Variants in CDH13 observed in about 807,000 individuals in gnomAD.
CDH13 encodes the protein cadherin 13.
In CDH13, 24 loss-of-function variants were observed where a neutral mutation model predicts 63.8. The ratio of observed to expected loss-of-function variants is 0.38; its 90% CI spans 0.27 to 0.53. CDH13 has a LOEUF of 0.53. Ranked by LOEUF, CDH13 falls within the 20% of genes least tolerant of loss-of-function variation. CDH13 has a pLI of 0.85. For missense variants in CDH13, 1,049 were observed against 903.1 expected, an observed-to-expected ratio of 1.16 and a Z score of -2.07; for synonymous variants, 503 against 355.3, an observed-to-expected ratio of 1.42 and a Z score of -4.67.
intron 6 of CDH13, among the ~76,000 whole-genome samples, chr16:83,410,709 A>C (rs938510727): frequency 1.3e-5 from 2 of 152,230 alleles, no homozygotes; most frequent in East Asian, 3.9e-4. Context: ...TCTCCATTGA[A>C]CTTTTCTGAA....
chr16:82,654,889 C>T (rs1302893626), intron 1 of CDH13, among the ~76,000 whole-genome samples: 1 of 152,172 alleles, frequency 6.6e-6, no homozygotes, highest in Non-Finnish European at 1.5e-5. Flanking sequence ...TCCCTCCCAA[C>T]ACTACTGAGG....
At chr16:82,961,977 G>A (rs752332988) in intron 2 of CDH13, among the ~76,000 whole-genome samples, 19 of 152,176 alleles carry the variant, frequency 1.2e-4, no homozygotes, top group Admixed American at 5.2e-4. Context: ...GCTTATGGAT[G>A]CCATGGGAAA....
intron 6 of CDH13, among the ~76,000 whole-genome samples, chr16:83,412,238 G>T (rs2092139045): frequency 6.6e-6 from 1 of 152,192 alleles, no homozygotes; most frequent in African/African-American, 2.4e-5. Context: ...AAGGCTGATG[G>T]ATCACTTGAG....
chr16:83,101,227 A>G (rs1018244418), intron 3 of CDH13, among the ~76,000 whole-genome samples: 5 of 150,732 alleles, frequency 3.3e-5, no homozygotes, highest in Admixed American at 6.6e-5. Flanking sequence ...ACATACATGC[A>G]CATATACTAT....
intron 6 of CDH13, among the ~76,000 whole-genome samples, chr16:83,399,741 C>G (rs28537221): frequency 3.9e-5 from 6 of 152,130 alleles, no homozygotes; most frequent in African/African-American, 1.2e-4. Flanking sequence ...CCAAACTAAA[C>G]CACGCTAGAC....
chr16:83,609,171 C>T (rs949113863), intron 8 of CDH13, among the ~76,000 whole-genome samples: 2 of 152,184 alleles, frequency 1.3e-5, no homozygotes, highest in African/African-American at 2.4e-5. Flanking sequence ...GAGCTGGCAG[C>T]ATGCAGCTGA....
intron 11 of CDH13, among the ~76,000 whole-genome samples, chr16:83,757,920 G>A (rs1341871972): frequency 6.6e-6 from 1 of 151,946 alleles, no homozygotes; most frequent in African/African-American, 2.4e-5. Context: ...TTGAGGCCAG[G>A]AATTTGAGAC....
Position 83,344,892 on chromosome 16 carries a change from A to G in CDH13, c.667A>G (p.Lys223Glu). ...TGTGGAGACCACTGATGTCAATGGC[A>G]AAACTCTCGAGGGGCCGGTGCCTCT... ...LFVETTDVNG[K>E]TLEGPVPLEV... Residue 223 changes from lysine to glutamate, a missense_variant, in exon 6 of 14, where the codon AAA (lysine) becomes GAA (glutamate). Lys to Glu is a moderately conservative substitution (Grantham distance 56). Transcript: ENST00000567109. 4 of 1,613,990 alleles carry G rather than the reference A, an allele frequency of 2.5e-6. No homozygotes were observed. The highest frequency in any genetic ancestry group is 2.5e-6 in the Non-Finnish European group (3 of 1,179,836).
chr16:83,441,161 G>C (rs746855910), intron 6 of CDH13, among the ~76,000 whole-genome samples: 7 of 152,208 alleles, frequency 4.6e-5, no homozygotes, highest in Non-Finnish European at 1.0e-4. Flanking sequence ...AGGGTCAGTA[G>C]TCATCTGGTC....
At position 83,584,522 on chromosome 16, in the gene CDH13, G is replaced by A. The variant is rs1033596041; in HGVS notation, c.961-17932G>A. On this transcript the variant is annotated intron_variant, in intron 7 of 13. Coordinates refer to ENST00000567109, the MANE Select transcript of CDH13 (RefSeq NM_001257.5). The stretch of plus-strand genomic sequence containing the variant: ...CAAAGAGAAAGTGACCCCTGAGGCG[G>A]TCATTTGGGAACAGCAGGACTTGGC... Among the ~76,000 whole-genome samples, 5 of 152,274 alleles carry A rather than the reference G, an allele frequency of 3.3e-5. No homozygotes were observed. The Middle Eastern group carries it at 0.01, about 311-fold the overall frequency.
At chr16:83,408,787 C>T (rs184694257) in intron 6 of CDH13, among the ~76,000 whole-genome samples, 2 of 152,240 alleles carry the variant, frequency 1.3e-5, no homozygotes, top group Admixed American at 6.5e-5. Flanking sequence ...GGTGGCTGCT[C>T]ATGTTGTCTT....
intron 6 of CDH13, among the ~76,000 whole-genome samples, chr16:83,484,040 C>G (rs184865766): frequency 3.9e-5 from 6 of 152,280 alleles, no homozygotes; most frequent in Admixed American, 3.3e-4. Context: ...AGGAAGTGCA[C>G]CTTGAAGCAT....
chr16:82,848,142 A>G (rs376403860), intron 1 of CDH13, among the ~76,000 whole-genome samples: 3 of 152,190 alleles, frequency 2.0e-5, no homozygotes, highest in Admixed American at 2.0e-4. Flanking sequence ...AAGTTCATTG[A>G]CACTAGTAAG....
chr16:83,212,010 C>T (rs1037773307), intron 4 of CDH13, among the ~76,000 whole-genome samples: 8 of 152,140 alleles, frequency 5.3e-5, no homozygotes, highest in Non-Finnish European at 1.0e-4. Flanking sequence ...ATATAATGGG[C>T]CTTAACAGCT....
At chr16:82,856,711 A>AAG (rs1381515327) in intron 1 of CDH13, among the ~76,000 whole-genome samples, 1 of 149,492 alleles carries the variant, frequency 6.7e-6, no homozygotes, top group Non-Finnish European at 1.5e-5. Context: ...AAAAAAAAAA[A>AAG]AAAAAAAAAA....
intron 7 of CDH13, among the ~76,000 whole-genome samples, chr16:83,522,552 A>G (rs921334957): frequency 1.3e-5 from 2 of 152,222 alleles, no homozygotes; most frequent in Non-Finnish European, 2.9e-5. Context: ...ACAGGAAAAC[A>G]AAAATGGTCT....
intron 1 of CDH13, among the ~76,000 whole-genome samples, chr16:82,662,783 G>T (rs1037983250): frequency 3.9e-5 from 6 of 152,206 alleles, no homozygotes; most frequent in Admixed American, 2.6e-4. Flanking sequence ...ACCAGTATGT[G>T]TCCCTCTGGG....
chr16:83,651,223 A>T (rs1318546596), intron 8 of CDH13, among the ~76,000 whole-genome samples: 2 of 152,230 alleles, frequency 1.3e-5, no homozygotes, highest in South Asian at 2.1e-4. Context: ...GTGAGAGACT[A>T]GGGTACTGTA....
At chr16:83,325,302 G>C (rs7195067) in intron 5 of CDH13, among the ~76,000 whole-genome samples, 1 of 151,956 alleles carries the variant, frequency 6.6e-6, no homozygotes, top group Non-Finnish European at 1.5e-5. Context: ...CAATGAGAGA[G>C]GGGGAGGGAG....
Sources: gnomAD v4.1 joint callset for allele counts (sites outside exome capture counted in the v4.1 genomes callset) on GRCh38, gnomAD v4.1.1 for gene constraint, MANE v1.5 for transcripts, NCBI Gene and HGNC (gene_info 2026-07-23, HGNC 2026-07-21) for gene names.